Variants in BMP1 observed in about 807,000 individuals in gnomAD.
The protein encoded by BMP1 is bone morphogenetic protein 1.
In BMP1, 63 loss-of-function variants were observed where a neutral mutation model predicts 116.8. The ratio of observed to expected loss-of-function variants is 0.54; its 90% confidence interval spans 0.44 to 0.67. The LOEUF is 0.67. BMP1 is among the 30% of genes least tolerant of loss of function. The pLI is 0.00. For missense variants in BMP1, 1,183 were observed against 1,358.9 expected (o/e 0.87, Z 2.04); for synonymous variants, 536 against 533.4 (o/e 1.00, Z -0.07).
rs775928083 is a variant in BMP1 at position 22,197,390 on chromosome 8, A to G, written c.2077A>G (p.Lys693Glu). The G allele has an allele frequency of 6.2e-6, 10 of 1,611,470 alleles. No homozygotes were observed. The African/African-American group carries it at 1.2e-4, about 19-fold the overall frequency. The change falls in exon 15 of 20, where the codon AAA becomes GAA. Residue 693 changes from lysine (K) to glutamate (E), a missense_variant. Physicochemically the swap from Lys to Glu is moderately conservative, Grantham distance 56. This residue lies in a region of BMP1 where 956 missense variants were observed against 1,135.2 expected (regional missense o/e 0.84). Coordinates refer to ENST00000306385, the MANE Select transcript of BMP1 (RefSeq NM_006129.5). ...VEFKSDNTVS[K>E]KGFKAHFFSD... ...GTTCAAGTCCGACAACACCGTGTCCAAAAAGGGCTTCAAGGCCCACTTCTT... is the reference window on the plus strand; with the variant it reads ...GTTCAAGTCCGACAACACCGTGTCCGAAAAGGGCTTCAAGGCCCACTTCTT...
At chr8:22,181,583 C>T (rs1828623048) in intron 8 of BMP1, among the ~76,000 whole-genome samples, 1 of 149,798 alleles carries the variant, frequency 6.7e-6, no homozygotes. Context: ...GACAGAATCT[C>T]ACTTTTTCAC....
At chr8:22,173,793 C>A in intron 2 of BMP1, 78 bp downstream of exon 2, 1 of 1,168,738 alleles carries the variant, frequency 8.6e-7, no homozygotes, top group South Asian at 1.5e-5. Flanking sequence ...CTCCCTGTTC[C>A]CAGCCAGGCC....
rs143943297 is a variant in BMP1, at chr8:22,209,621, G to T, written c.2752G>T (p.Gly918Cys). 6.2e-7 allele frequency: 1 copy of T among 1,614,182 alleles called. No individual in the cohort carries two copies. Among genetic ancestry groups the T allele is most frequent in the Non-Finnish European group, 8.5e-7 (1 of 1,180,028 alleles). ...TGAGGTGGAGGAGGAGACCGACTGC[G>T]GCTATGACTACATGGAGCTCTTCGA... ...TFEVEEETDC[G>C]YDYMELFDGY... is the part of the protein sequence containing the mutation. The change falls in exon 19 of 20, where the codon GGC becomes TGC. Residue 918 changes from glycine to cysteine, a missense_variant. Transcript: ENST00000306385.
chr8:22,189,001 C>T lies in BMP1; in HGVS notation c.1078-3048C>T, dbSNP rs80323236. Among the ~76,000 whole-genome samples, 817 of 152,344 alleles carry T rather than the reference C, an allele frequency of 5.4e-3. 4 individuals carry two copies. The highest frequency in any genetic ancestry group is 0.019 in the African/African-American group (786 of 41,578). On this transcript the variant is annotated intron_variant, in intron 8 of 19. Coordinates refer to ENST00000306385, the MANE Select transcript of BMP1 (RefSeq NM_006129.5). Reference sequence around the variant, plus strand: ...CACTCGGCCCTCTGCATCCCTTCTTCCACCCAGCAACTCTTGTTTTTGTTG... The same window carrying T: ...CACTCGGCCCTCTGCATCCCTTCTTTCACCCAGCAACTCTTGTTTTTGTTG...
chr8:22,194,807 C>T lies in BMP1; in HGVS notation c.1527C>T (p.Tyr509=), dbSNP rs770142471. The T allele has an allele frequency of 2.5e-6, 4 of 1,614,084 alleles. No homozygotes were observed. The African/African-American group carries it at 5.3e-5, about 22-fold the overall frequency. Residue 509 remains tyrosine, a synonymous_variant, in exon 12 of 20, where the codon TAC becomes TAT. Transcript: ENST00000306385. This position sits in a 1 kb window ranked among gnomAD's most constrained non-coding sequence, Gnocchi z 4.5. ...AGAGCAGCACCCTCATCGGGCGCTACTGTGGCTATGAGAAGCCTGATGACA... is the reference window on the plus strand; with the variant it reads ...AGAGCAGCACCCTCATCGGGCGCTATTGTGGCTATGAGAAGCCTGATGACA... ...HSESSTLIGR[Y]CGYEKPDDIK... is the part of the protein sequence containing the mutation.
chr8:22,174,627 CTTTTTTT>C (rs57781366), intron 2 of BMP1, among the ~76,000 whole-genome samples: 6 of 106,268 alleles, frequency 5.6e-5, no homozygotes, highest in East Asian at 2.7e-4. Flanking sequence ...TTTTTTCTGT[CTTTTTTT>C]TTTTTTTTTT....
chr8:22,201,253 A>G (rs1310074988), intron 15 of BMP1: 1 of 1,583,314 alleles, frequency 6.3e-7, no homozygotes, highest in Admixed American at 1.9e-5. Context: ...CTCACCTTGG[A>G]CGGAATGGGA....
intron 1 of BMP1, among the ~76,000 whole-genome samples, chr8:22,169,185 A>G (rs1351963668): frequency 3.8e-5 from 2 of 52,848 alleles, no homozygotes; most frequent in Admixed American, 2.1e-4. Context: ...AGACTCTGTG[A>G]AAAAAAAAAA....
chr8:22,207,771 GC>G (rs1042972782), intron 18 of BMP1, among the ~76,000 whole-genome samples: 3 of 152,248 alleles, frequency 2.0e-5, no homozygotes, highest in African/African-American at 7.2e-5. Flanking sequence ...AGAGAGGAAA[GC>G]CCCCAGAGGT....
rs1828538663 is a variant in BMP1 at position 22,179,104 on chromosome 8, C to T, written c.837-601C>T. ...CTGCCTCCCCTTCACTCTGCTCCTC[C>T]CAGTGCAAACACCCAGGATTCAGCA... On this transcript the variant is annotated intron_variant, in intron 6 of 19. Transcript: ENST00000306385. This position sits in a 1 kb window ranked among gnomAD's most constrained non-coding sequence, Gnocchi z 4.6. Among the ~76,000 whole-genome samples, 1 of 152,210 alleles carries T rather than the reference C, an allele frequency of 6.6e-6. No homozygotes were observed. The highest frequency in any genetic ancestry group is 1.5e-5 in the Non-Finnish European group (1 of 68,046).
Position 22,194,940 on chromosome 8 carries a change from C to T in BMP1, c.1639+21C>T, listed in dbSNP as rs753011789. The T allele has an allele frequency of 6.3e-7, 1 of 1,588,072 alleles. No homozygotes were observed. Among genetic ancestry groups the T allele is most frequent in the Non-Finnish European group, 8.6e-7 (1 of 1,168,212 alleles). On this transcript the variant is annotated intron_variant, in intron 12 of 19. Coordinates refer to ENST00000306385, the MANE Select transcript of BMP1 (RefSeq NM_006129.5). This position sits in a 1 kb window ranked among gnomAD's most constrained non-coding sequence, Gnocchi z 4.5. The stretch of plus-strand genomic sequence containing the variant: ...CAAAGGTGCCTCCTCTGTTACTCTC[C>T]CCTGCCCCAAGGTGCCTCGTGACCT...
rs1484906947 is a variant in BMP1, at chr8:22,179,270, G to A, written c.837-435G>A. Among the ~76,000 whole-genome samples, 1 of 152,228 alleles carries A rather than the reference G, an allele frequency of 6.6e-6. No individual in the cohort carries two copies. Among genetic ancestry groups the A allele is most frequent in the Admixed American group, 6.5e-5 (1 of 15,288 alleles). ...ATGCAGCCTGTGCCAGCAGGGTGAG[G>A]AGCTGGCCTGGGGAGTCCTGGGAGA... On this transcript the variant is annotated intron_variant, in intron 6 of 19. Transcript: ENST00000306385. The surrounding 1 kb of genome is among the most constrained non-coding windows in gnomAD (Gnocchi z 4.6).
chr8:22,197,515 C>G, intron 15 of BMP1, 95 bp downstream of exon 15: 2 of 1,400,628 alleles, frequency 1.4e-6, no homozygotes, highest in Non-Finnish European at 1.9e-6. Flanking sequence ...CCCCAGCCCT[C>G]CCTGGTGCCA....
At chr8:22,184,033 T>G (rs1828699195) in intron 8 of BMP1, among the ~76,000 whole-genome samples, 1 of 151,924 alleles carries the variant, frequency 6.6e-6, no homozygotes, top group Non-Finnish European at 1.5e-5. Flanking sequence ...GACACAAGAG[T>G]TGGTGATTTC....
intron 8 of BMP1, among the ~76,000 whole-genome samples, chr8:22,184,049 T>A (rs573626326): frequency 3.1e-4 from 47 of 152,224 alleles, no homozygotes; most frequent in Non-Finnish European, 5.9e-4. Flanking sequence ...ATTTCAATAC[T>A]ATGTGTGTTC....
intron 16 of BMP1, among the ~76,000 whole-genome samples, chr8:22,204,207 G>C (rs1179738714): frequency 6.6e-6 from 1 of 152,198 alleles, no homozygotes; most frequent in South Asian, 2.1e-4. Flanking sequence ...GCAGGGGGCT[G>C]TGTGAACCCA....
rs555186956 is a variant in BMP1 at position 22,179,998 on chromosome 8, G to A, written c.961+169G>A. Among the ~76,000 whole-genome samples, 3 of 152,118 alleles carry A rather than the reference G, an allele frequency of 2.0e-5. No homozygotes were observed. Among genetic ancestry groups the A allele is most frequent in the African/African-American group, 7.2e-5 (3 of 41,402 alleles). On this transcript the variant is annotated intron_variant, in intron 7 of 19. Coordinates refer to ENST00000306385, the MANE Select transcript of BMP1 (RefSeq NM_006129.5). This position sits in a 1 kb window ranked among gnomAD's most constrained non-coding sequence, Gnocchi z 4.6. ...AGTGTCCAAGTGAAGGAGGCCGCTG[G>A]GGGTAGGCTCAGGTGGGTGGTCAGA...
intron 1 of BMP1, chr8:22,169,976 C>T (rs1441573849): frequency 2.6e-5 from 4 of 152,244 alleles, no homozygotes; most frequent in African/African-American, 7.2e-5. Flanking sequence ...GAGAGACCTC[C>T]TAGACTCCTT....
chr8:22,197,130 G>C, intron 14 of BMP1, 110 bp from the exon 15 acceptor site: 1 of 1,393,414 alleles, frequency 7.2e-7, no homozygotes, highest in Non-Finnish European at 9.8e-7. Context: ...GTGAGGGGGC[G>C]TAGCTAAGTC....
Sources: allele counts gnomAD v4.1 joint callset (sites outside exome capture counted in the v4.1 genomes callset), GRCh38; gene constraint gnomAD v4.1.1; regional missense constraint gnomAD v4.1.1; non-coding constraint Gnocchi (gnomAD v3.1); transcripts MANE v1.5; gene names NCBI Gene and HGNC (gene_info 2026-07-23, HGNC 2026-07-21).